Variants in WDR35 observed in about 807,000 individuals in gnomAD.
WDR35 encodes WD repeat domain 35.
A neutral mutation model predicts 158.3 loss-of-function variants in WDR35; 118 were observed. The ratio of observed to expected loss-of-function variants is 0.75; its 90% CI spans 0.64 to 0.87. The LOEUF (loss-of-function observed/expected upper bound fraction) is 0.87, where lower values mean the gene tolerates loss of function less well. Ranked by LOEUF, WDR35 falls within the 40% of genes least tolerant of loss-of-function variation. The probability of loss-of-function intolerance (pLI) is 0.00; values close to 1 mark genes in which losing one functional copy is unlikely to be tolerated. For missense variants in WDR35, 1,263 were observed against 1,405.8 expected (o/e 0.90, Z 1.62); for synonymous variants, 448 against 476.1 (o/e 0.94, Z 0.77).
chr2:19,920,959 G>T (rs982463053), intron 25 of WDR35, among the ~76,000 whole-genome samples: 1 of 152,064 alleles, frequency 6.6e-6, no homozygotes, highest in Admixed American at 6.6e-5. Context: ...GAGCCAAATC[G>T]TGAGTGAACT....
chr2:19,918,046 G>A (rs961693947), intron 25 of WDR35, among the ~76,000 whole-genome samples: 8 of 152,136 alleles, frequency 5.3e-5, no homozygotes, highest in East Asian at 1.9e-4. Context: ...CAGATCTCTC[G>A]GCAGAAACCC....
intron 6 of WDR35, 123 bp from the exon 7 acceptor site, chr2:19,974,756 T>A: frequency 1.1e-6 from 1 of 927,056 alleles, no homozygotes; most frequent in Non-Finnish European, 1.6e-6. Flanking sequence ...GGTGGCAAAT[T>A]AAAGCTTAAT....
chr2:19,928,787 A>G (rs1670438010), intron 25 of WDR35, among the ~76,000 whole-genome samples: 1 of 151,986 alleles, frequency 6.6e-6, no homozygotes, highest in African/African-American at 2.4e-5. Flanking sequence ...AATCATTACA[A>G]TAACTCTATG....
At chr2:19,973,442 G>A in intron 8 of WDR35, 121 bp downstream of exon 8, 1 of 1,147,162 alleles carries the variant, frequency 8.7e-7, no homozygotes, top group South Asian at 1.5e-5. Context: ...ATACTATGAA[G>A]ATGAAATGTC....
intron 16 of WDR35, 122 bp from the exon 17 acceptor site, chr2:19,941,961 C>A: frequency 1.5e-6 from 1 of 658,702 alleles, no homozygotes; most frequent in South Asian, 1.8e-5. Context: ...GTCATTAACA[C>A]CCATATACCC....
At chr2:19,922,843 A>G (rs988011708) in intron 25 of WDR35, among the ~76,000 whole-genome samples, 6 of 152,214 alleles carry the variant, frequency 3.9e-5, no homozygotes, top group African/African-American at 7.2e-5. Flanking sequence ...CATGATGGCC[A>G]TAACACCCAC....
intron 22 of WDR35, 51 bp from the exon 23 acceptor site, chr2:19,932,498 T>A (rs372955197): frequency 1.9e-5 from 30 of 1,607,092 alleles, no homozygotes; most frequent in African/African-American, 9.4e-5. Context: ...CAGTCACATA[T>A]ATCATAAAAT....
chr2:19,933,084 CA>C (rs1326730577), intron 22 of WDR35, among the ~76,000 whole-genome samples: 1 of 152,144 alleles, frequency 6.6e-6, no homozygotes, highest in Non-Finnish European at 1.5e-5. Context: ...CCAACCCTAA[CA>C]AAATGCAGAA....
chr2:19,978,974 G>A (rs1429141761), intron 4 of WDR35, 95 bp from the exon 5 acceptor site: 10 of 1,497,236 alleles, frequency 6.7e-6, no homozygotes, highest in Non-Finnish European at 9.1e-6. Context: ...TACGCCATGG[G>A]ACAAATAACT....
At chr2:19,957,198 G>A (rs928310135) in intron 11 of WDR35, among the ~76,000 whole-genome samples, 2 of 152,016 alleles carry the variant, frequency 1.3e-5, no homozygotes, top group African/African-American at 4.8e-5. Context: ...AGTTAGACAT[G>A]GTTGCTATTG....
At chr2:19,960,489 G>A in intron 11 of WDR35, 65 bp downstream of exon 11, 1 of 1,331,536 alleles carries the variant, frequency 7.5e-7, no homozygotes, top group Non-Finnish European at 1.1e-6. Context: ...CCAGTGTTAG[G>A]TTTTTAAATT....
chr2:19,959,607 A>G (rs1038122891), intron 11 of WDR35, among the ~76,000 whole-genome samples: 1 of 152,054 alleles, frequency 6.6e-6, no homozygotes, highest in Admixed American at 6.5e-5. Flanking sequence ...CATAGAGTAT[A>G]AAGTCTTTGA....
At chr2:19,919,398 A>G (rs909259012) in intron 25 of WDR35, among the ~76,000 whole-genome samples, 38 of 83,650 alleles carry the variant, frequency 4.5e-4, no homozygotes, top group Admixed American at 2.4e-3. Context: ...AAAAAAAAAA[A>G]GAAAAGAAAA....
chr2:19,988,922 T>G (rs1387574163), intron 2 of WDR35, among the ~76,000 whole-genome samples: 1 of 152,236 alleles, frequency 6.6e-6, no homozygotes, highest in Non-Finnish European at 1.5e-5. Flanking sequence ...CACAGTGACT[T>G]ATTTTCATTC....
chr2:19,950,592 G>A (rs1671204935), intron 13 of WDR35, among the ~76,000 whole-genome samples: 1 of 152,134 alleles, frequency 6.6e-6, no homozygotes, highest in African/African-American at 2.4e-5. Flanking sequence ...AAAGTTCCCT[G>A]TTAAAGCGAC....
chr2:19,959,990 G>A (rs926912802), intron 11 of WDR35, among the ~76,000 whole-genome samples: 1 of 151,898 alleles, frequency 6.6e-6, no homozygotes, highest in Admixed American at 6.6e-5. Flanking sequence ...TGGGTAGAGG[G>A]AATAGTAAAT....
rs1181024689 is a variant in WDR35 at position 19,911,157 on chromosome 2, AAG to A, written c.*2399_*2400del. On this transcript the variant is annotated 3_prime_UTR_variant, in exon 27 of 27. Transcript: ENST00000281405. ...TTAGGGGGAAATGAGAAGCCTCCAA[AAG>A]AGAGTTTCCAAAGTTAGGTGAAGTC... 2.0e-5 allele frequency: 3 copies of A among 152,208 alleles called. No homozygotes were observed. The highest frequency in any genetic ancestry group is 7.2e-5 in the African/African-American group (3 of 41,448). The allele number at this position is 152,208 out of a possible 1,614,324, so 9.4% of individuals were successfully genotyped here. A position where few individuals can be genotyped will look rare whatever the true frequency, so the allele number is the denominator to read the frequency against.
chr2:19,935,417 A>G, intron 21 of WDR35, 54 bp downstream of exon 21: 1 of 1,592,718 alleles, frequency 6.3e-7, no homozygotes, highest in South Asian at 1.1e-5. Context: ...ACTATAACAT[A>G]AAATTTTATA....
intron 25 of WDR35, among the ~76,000 whole-genome samples, chr2:19,915,167 A>T (rs946062818): frequency 6.6e-6 from 1 of 152,112 alleles, no homozygotes; most frequent in African/African-American, 2.4e-5. Context: ...TCTTCTCTAG[A>T]CCTTGGAATC....
Sources: gnomAD v4.1 joint callset for allele counts (sites outside exome capture counted in the v4.1 genomes callset) on GRCh38, gnomAD v4.1.1 for gene constraint, MANE v1.5 for transcripts, NCBI Gene and HGNC (gene_info 2026-07-23, HGNC 2026-07-21) for gene names.